Variants in ACP6 observed in about 807,000 individuals in gnomAD.
The protein encoded by ACP6 is lysophosphatidic acid phosphatase type 6.
A neutral mutation model predicts 48.1 loss-of-function variants in ACP6; 48 were observed. The observed-to-expected ratio is 1.00, with a 90% CI of 0.79 to 1.27. The LOEUF (loss-of-function observed/expected upper bound fraction) is 1.27, where lower values mean the gene tolerates loss of function less well. Ranked by LOEUF, ACP6 falls within the 50% of genes most tolerant of loss-of-function variation. The pLI, the probability that ACP6 is intolerant of heterozygous loss-of-function variation, is 0.00. For missense variants in ACP6, 485 were observed against 529.1 expected, an observed-to-expected ratio of 0.92 and a Z score of 0.82; for synonymous variants, 172 against 204.2, an observed-to-expected ratio of 0.84 and a Z score of 1.34.
intron 5 of ACP6, among the ~76,000 whole-genome samples, chr1:147,632,246 T>G: frequency 6.6e-6 from 1 of 151,304 alleles, no homozygotes; most frequent in African/African-American, 2.4e-5. Flanking sequence ...ATCACGACTC[T>G]GTTTGTATCC....
In ACP6 at chr1:147,644,402, A is replaced by G. The variant is rs181374471; in HGVS notation, c.*3021T>C. 6.6e-6 allele frequency: 1 copy of G among 152,368 alleles called. No individual in the cohort carries two copies. The highest frequency in any genetic ancestry group is 1.9e-4 in the East Asian group (1 of 5,190). The allele number at this position is 152,368 out of a possible 1,614,324, so 9.4% of individuals were successfully genotyped here. A position where few individuals can be genotyped will look rare whatever the true frequency, so the allele number is the denominator to read the frequency against. Reference sequence around the variant, plus strand: ...TGAGATGTCATAGGACCGTGAGGGCATTATGACTGGCCCTTAGTTTGAGAT... The same window carrying G: ...TGAGATGTCATAGGACCGTGAGGGCGTTATGACTGGCCCTTAGTTTGAGAT... On this transcript the variant is annotated 3_prime_UTR_variant, in exon 10 of 10. Coordinates refer to ENST00000583509, the MANE Select transcript of ACP6 (RefSeq NM_016361.5).
rs987089588 is a variant in ACP6, at chr1:147,634,452, T to G, written c.461-3387A>C. On this transcript the variant is annotated intron_variant, in intron 5 of 5. Coordinates refer to the ACP6 transcript ENST00000609196. ...ATGCCTAAAAGTTTTTTTTTTAATT[T>G]TGATAAAATCCAACTTATCTATATT... Among the ~76,000 whole-genome samples, 6 of 151,066 alleles carry G rather than the reference T, an allele frequency of 4.0e-5. No individual in the cohort carries two copies. The South Asian group carries it at 1.0e-3, about 26-fold the overall frequency.
chr1:147,654,907 G>A (rs1389813406), intron 5 of ACP6, among the ~76,000 whole-genome samples: 1 of 152,352 alleles, frequency 6.6e-6, no homozygotes, highest in Admixed American at 6.5e-5. Context: ...ACTCGTGGCT[G>A]TATGTATCAT....
Position 147,648,315 on chromosome 1 carries a change from G to T in ACP6, c.1074C>A (p.Asp358Glu). ...GGTGCTGGTAAAGTTCCATGGTCAG[G>T]TCAACAGCAAACGGTGGCCATTTGT... is the stretch of plus-strand genomic sequence containing the variant. ...FDHKWPPFAV[D>E]LTMELYQHLE... Residue 358 changes from aspartate (D) to glutamate (E), a missense_variant, in exon 9 of 10, where the codon GAC (aspartate) becomes GAA (glutamate). Transcript: ENST00000583509. The T allele has an allele frequency of 1.2e-6, 2 of 1,614,158 alleles. No homozygotes were observed. The highest frequency in any genetic ancestry group is 1.7e-6 in the Non-Finnish European group (2 of 1,180,022).
chr1:147,648,264 C>T lies in ACP6; in HGVS notation c.1125G>A (p.Gln375=), dbSNP rs782697677. 164 of 1,614,038 alleles carry T rather than the reference C, an allele frequency of 1.0e-4. No individual in the cohort carries two copies. Among genetic ancestry groups the T allele is most frequent in the Non-Finnish European group, 1.4e-4 (161 of 1,180,020 alleles). Reference sequence around the variant, plus strand: ...GTATTACCTTCCCGTGGTAATAGAGCTGCACAAACCACTCCTTAGATTCCA... The same window carrying T: ...GTATTACCTTCCCGTGGTAATAGAGTTGCACAAACCACTCCTTAGATTCCA... ...QHLESKEWFV[Q]LYYHGKEQVP... Residue 375 remains glutamine (Q), a synonymous_variant, in exon 9 of 10, where the codon CAG becomes CAA. Transcript: ENST00000583509.
chr1:147,655,406 T>C (rs890145436), intron 4 of ACP6, among the ~76,000 whole-genome samples, 158 bp from the exon 5 acceptor site: 1 of 152,182 alleles, frequency 6.6e-6, no homozygotes, highest in Admixed American at 6.5e-5. Flanking sequence ...GCCTTCAACA[T>C]GCCCTGGCCC....
intron 1 of ACP6, among the ~76,000 whole-genome samples, chr1:147,661,693 A>C (rs587653393): frequency 5.3e-5 from 8 of 152,356 alleles, no homozygotes; most frequent in African/African-American, 1.9e-4. Context: ...GCCAAAACCT[A>C]TGCCTCTTGC....
At chr1:147,629,957 G>C (rs1397096078) in exon 6 of ACP6, 1 of 152,214 alleles carries the variant, frequency 6.6e-6, no homozygotes, top group African/African-American at 2.4e-5. Flanking sequence ...AAGACGGTGA[G>C]TGTATGTATG....
At position 147,659,711 on chromosome 1, in the gene ACP6, T is replaced by C; in HGVS notation, c.284A>G (p.Asn95Ser). Residue 95 changes from asparagine (N) to serine (S), a missense_variant, in exon 2 of 10, where the codon AAT (asparagine) becomes AGT (serine). By Grantham distance (46) the Asn-to-Ser change is conservative. Coordinates refer to ENST00000583509, the MANE Select transcript of ACP6 (RefSeq NM_016361.5). The part of the protein sequence containing the change: ...PQTQFDYTVT[N>S]LAGGPKPYSP... Reference sequence around the variant, plus strand: ...ATATGGTTTCGGACCACCAGCTAGATTGGTGACTGTGTAATCAAACTGAGT... The same window carrying C: ...ATATGGTTTCGGACCACCAGCTAGACTGGTGACTGTGTAATCAAACTGAGT... 1 of 1,614,092 alleles carries C rather than the reference T, an allele frequency of 6.2e-7. No homozygotes were observed. The highest frequency in any genetic ancestry group is 8.5e-7 in the Non-Finnish European group (1 of 1,179,994).
intron 8 of ACP6, among the ~76,000 whole-genome samples, chr1:147,649,590 G>A (rs1026352057): frequency 6.6e-6 from 1 of 152,058 alleles, no homozygotes; most frequent in African/African-American, 2.4e-5. Flanking sequence ...GACTAAAGGT[G>A]CGTGCCACCA....
At chr1:147,631,290 A>G (rs1440831967) in intron 5 of ACP6, among the ~76,000 whole-genome samples, 2 of 152,208 alleles carry the variant, frequency 1.3e-5, no homozygotes, top group Non-Finnish European at 2.9e-5. Context: ...CCTAGTTTTC[A>G]TATCAGACAC....
chr1:147,652,693 G>A lies in ACP6; in HGVS notation c.781-144C>T, dbSNP rs148972474. The A allele has an allele frequency of 2.0e-5, 31 of 1,562,916 alleles. No homozygotes were observed. In the African/African-American group the frequency reaches 3.4e-4, roughly 17 times the overall value. On this transcript the variant is annotated intron_variant, in intron 6 of 9. Coordinates refer to ENST00000583509, the MANE Select transcript of ACP6 (RefSeq NM_016361.5). ...TCAAGAACAGCTATGTCTGTTAACAGGTCAAGAAGCTATGTCTCTAAAGCT... is the reference window on the plus strand; with the variant it reads ...TCAAGAACAGCTATGTCTGTTAACAAGTCAAGAAGCTATGTCTCTAAAGCT...
At chr1:147,634,855 G>A (rs1236890884) in intron 5 of ACP6, among the ~76,000 whole-genome samples, 3 of 152,158 alleles carry the variant, frequency 2.0e-5, no homozygotes, top group African/African-American at 2.4e-5. Flanking sequence ...CACAGTCATG[G>A]CATGAAAGAA....
intron 5 of ACP6, among the ~76,000 whole-genome samples, chr1:147,631,539 G>T (rs1290377785): frequency 4.6e-5 from 7 of 152,132 alleles, no homozygotes; most frequent in Admixed American, 3.9e-4. Flanking sequence ...GAATTGGCTG[G>T]ACACTGTGGC....
At chr1:147,658,772 A>G (rs1660381644) in intron 4 of ACP6, among the ~76,000 whole-genome samples, 188 bp downstream of exon 4, 1 of 152,162 alleles carries the variant, frequency 6.6e-6, no homozygotes, top group African/African-American at 2.4e-5. Flanking sequence ...GCTGCTGTGG[A>G]GGTCAGGCTG....
intron 8 of ACP6, among the ~76,000 whole-genome samples, 182 bp from the exon 9 acceptor site, chr1:147,648,593 C>T (rs1553209991): frequency 2.6e-5 from 4 of 152,260 alleles, no homozygotes; most frequent in South Asian, 2.1e-4. Flanking sequence ...TCCCACTCCC[C>T]GTGTCTTCAT....
downstream of ACP6, among the ~76,000 whole-genome samples, chr1:147,638,780 C>A (rs1659367509): frequency 6.6e-6 from 1 of 152,208 alleles, no homozygotes; most frequent in East Asian, 1.9e-4. Flanking sequence ...GATCAAAGGA[C>A]ATTCCCTTTA....
Position 147,659,644 on chromosome 1 carries a change from C to T in ACP6, c.348+3G>A, listed in dbSNP as rs1660438780. 2 of 1,614,102 alleles carry T rather than the reference C, an allele frequency of 1.2e-6. No individual in the cohort carries two copies. Among genetic ancestry groups the T allele is most frequent in the East Asian group, 4.5e-5 (2 of 44,880 alleles). On this transcript the variant is annotated splice_donor_region_variant and intron_variant, in intron 2 of 9. Transcript: ENST00000583509. ...CTCCCCAGAGCAAGGAAGCATTGCTCACCTTCAGGGTGGTCTCATGGTATT... is the reference window on the plus strand; with the variant it reads ...CTCCCCAGAGCAAGGAAGCATTGCTTACCTTCAGGGTGGTCTCATGGTATT...
chr1:147,659,279 C>G, intron 3 of ACP6, 117 bp downstream of exon 3: 1 of 1,413,618 alleles, frequency 7.1e-7, no homozygotes, highest in East Asian at 2.3e-5. Context: ...TGCAGCATGA[C>G]AAGTTGTCCC....
Sources: gnomAD v4.1 joint callset for allele counts (sites outside exome capture counted in the v4.1 genomes callset) on GRCh38, gnomAD v4.1.1 for gene constraint, MANE v1.5 for transcripts, NCBI Gene and HGNC (gene_info 2026-07-23, HGNC 2026-07-21) for gene names.